TFB1M: variants seen among roughly 807,000 people sequenced by gnomAD.
The protein encoded by TFB1M is transcription factor B1, mitochondrial, also known as dimethyladenosine transferase 1, mitochondrial.
In TFB1M, 27 loss-of-function variants were observed where a neutral mutation model predicts 31.1. That is an observed-to-expected ratio of 0.87 (90% CI 0.64 to 1.20). The LOEUF (loss-of-function observed/expected upper bound fraction) is 1.20. TFB1M is among the 50% of genes most tolerant of loss of function. The pLI is 0.00. For missense variants in TFB1M, 394 were observed against 418.7 expected (o/e 0.94, Z 0.51); for synonymous variants, 166 against 151.8 (o/e 1.09, Z -0.69).
chr6:155,240,779 C>T, the TFB1M span: 3 of 1,491,072 alleles, frequency 2.0e-6, no homozygotes, highest in Non-Finnish European at 1.8e-6. Flanking sequence ...TGGCAGAGGT[C>T]CCCAGATCAC....
At chr6:155,265,136 C>G (rs376067623) in intron 5 of TFB1M, among the ~76,000 whole-genome samples, 5 of 152,288 alleles carry the variant, frequency 3.3e-5, no homozygotes, top group African/African-American at 1.2e-4. Context: ...GCTGTGCTCC[C>G]GCTTGGGTTT....
chr6:155,257,791 T>C lies in TFB1M; in HGVS notation c.*45A>G. ...GAGTACCTATATAAGAAGCTCCACG[T>C]AGTGCAAATCGACATCTGGTAGGCT... On this transcript the variant is annotated 3_prime_UTR_variant, in exon 7 of 7. Transcript: ENST00000367166. 3 of 1,612,480 alleles carry C rather than the reference T, an allele frequency of 1.9e-6. No homozygotes were observed. Among genetic ancestry groups the C allele is most frequent in the Non-Finnish European group, 2.5e-6 (3 of 1,179,250 alleles).
the TFB1M span, chr6:155,244,744 A>T: frequency 6.2e-7 from 1 of 1,614,068 alleles, no homozygotes; most frequent in Non-Finnish European, 8.5e-7. Flanking sequence ...TTTCAGCATC[A>T]TCTGACTTTA....
the TFB1M span, chr6:155,250,826 AAT>A: frequency 1.5e-6 from 2 of 1,365,734 alleles, no homozygotes; most frequent in Non-Finnish European, 2.1e-6. Context: ...GCATTTTAGC[AAT>A]GACTGTGTGT....
At chr6:155,283,935 A>G (rs975605436) in intron 5 of TFB1M, among the ~76,000 whole-genome samples, 10 of 152,234 alleles carry the variant, frequency 6.6e-5, no homozygotes, top group Non-Finnish European at 1.5e-4. Context: ...AAGATAACCT[A>G]TAAGATACCT....
chr6:155,287,579 T>TGTGTGTGTATG (rs1776723570), intron 4 of TFB1M, among the ~76,000 whole-genome samples: 1 of 148,298 alleles, frequency 6.7e-6, no homozygotes, highest in Non-Finnish European at 1.5e-5. Flanking sequence ...TGTGTGTATG[T>TGTGTGTGTATG]GTGTGTGGTG....
chr6:155,292,516 A>G (rs1196333883), intron 4 of TFB1M, among the ~76,000 whole-genome samples: 1 of 152,094 alleles, frequency 6.6e-6, no homozygotes, highest in Non-Finnish European at 1.5e-5. Context: ...CAGAAAGGGC[A>G]TGATGTAGTA....
At chr6:155,240,868 G>A in the TFB1M span, among the ~76,000 whole-genome samples, 1 of 152,348 alleles carries the variant, frequency 6.6e-6, no homozygotes, top group Non-Finnish European at 1.5e-5. Flanking sequence ...GAAGGGAGGG[G>A]AAGAGTGAGA....
intron 4 of TFB1M, among the ~76,000 whole-genome samples, chr6:155,292,636 A>G (rs1220685134): frequency 1.3e-5 from 2 of 152,074 alleles, no homozygotes; most frequent in African/African-American, 2.4e-5. Context: ...TCAACCCAAT[A>G]CCACAAAATC....
chr6:155,277,756 G>A (rs1785288082), intron 5 of TFB1M, among the ~76,000 whole-genome samples: 1 of 152,182 alleles, frequency 6.6e-6, no homozygotes, highest in South Asian at 2.1e-4. Flanking sequence ...TTCCTTTTGA[G>A]TGGTCAAAAT....
At chr6:155,282,451 T>G (rs1562403759) in intron 5 of TFB1M, among the ~76,000 whole-genome samples, 1 of 152,236 alleles carries the variant, frequency 6.6e-6, no homozygotes, top group Non-Finnish European at 1.5e-5. Flanking sequence ...CCCCTCATTG[T>G]ATCACAAAAG....
At chr6:155,306,771 C>T (rs1582883149) in intron 2 of TFB1M, among the ~76,000 whole-genome samples, 2 of 152,082 alleles carry the variant, frequency 1.3e-5, no homozygotes, top group Admixed American at 1.3e-4. Context: ...ATCCTGAGGA[C>T]GATGAGTGTT....
chr6:155,230,834 TAC>T, the TFB1M span, among the ~76,000 whole-genome samples: 2 of 144,762 alleles, frequency 1.4e-5, no homozygotes, highest in East Asian at 4.6e-4. Flanking sequence ...ATGGCAGAGC[TAC>T]TTTTTTTTTT....
chr6:155,297,066 T>G lies in TFB1M; in HGVS notation c.433A>C (p.Ser145Arg), dbSNP rs1207881148. 1 of 1,613,838 alleles carries G rather than the reference T, an allele frequency of 6.2e-7. No individual in the cohort carries two copies. The highest frequency in any genetic ancestry group is 8.5e-7 in the Non-Finnish European group (1 of 1,179,974). The change falls in exon 4 of 7, where the codon AGT becomes CGT. Residue 145 changes from serine to arginine, a missense_variant. Around this residue, in one of 3 missense-constraint regions of TFB1M, gnomAD observed 273 missense variants for 256.4 expected, o/e 1.06. Coordinates refer to ENST00000367166, the MANE Select transcript of TFB1M (RefSeq NM_016020.4). ...TTGATAATCAGTGGAGTTGAAACAC[T>G]AAAAGGCAGATTTCCAATAATATGT... ...NVHIIGNLPF[S>R]VSTPLIIKWL...
chr6:155,297,871 G>C (rs1777245643), intron 3 of TFB1M, among the ~76,000 whole-genome samples: 1 of 152,350 alleles, frequency 6.6e-6, no homozygotes, highest in East Asian at 1.9e-4. Flanking sequence ...AGCTGGCAGA[G>C]ACTGCAAGTG....
chr6:155,245,324 C>T, the TFB1M span, among the ~76,000 whole-genome samples: 6 of 152,218 alleles, frequency 3.9e-5, no homozygotes, highest in African/African-American at 1.2e-4. Flanking sequence ...GTGAACCTCT[C>T]TCAGATTGTT....
At chr6:155,244,134 C>T in the TFB1M span, 3 of 1,509,832 alleles carry the variant, frequency 2.0e-6, no homozygotes, top group African/African-American at 4.1e-5. Context: ...TCTCTGTTTG[C>T]CTTTTAGCAG....
At chr6:155,275,077 T>A (rs1413776584) in intron 5 of TFB1M, among the ~76,000 whole-genome samples, 1 of 150,066 alleles carries the variant, frequency 6.7e-6, no homozygotes, top group African/African-American at 2.5e-5. Flanking sequence ...AAAAAAAAAA[T>A]TAGCCGGGCA....
the TFB1M span, chr6:155,244,924 G>A: frequency 1.4e-5 from 15 of 1,081,576 alleles, no homozygotes; most frequent in South Asian, 7.0e-5. Flanking sequence ...TCCTTGCACC[G>A]TTTTCCTCTG....
Sources: allele counts gnomAD v4.1 joint callset (sites outside exome capture counted in the v4.1 genomes callset), GRCh38; gene constraint gnomAD v4.1.1; regional missense constraint gnomAD v4.1.1; transcripts MANE v1.5; gene names NCBI Gene and HGNC (gene_info 2026-07-23, HGNC 2026-07-21).